The following RUNX1T1 variants were observed in gnomAD, a reference collection of about 807,000 sequenced individuals.
The protein encoded by RUNX1T1 is protein CBFA2T1.
A neutral mutation model predicts 62.8 loss-of-function variants in RUNX1T1; 4 were observed. That is an observed-to-expected ratio of 0.06 (90% CI 0.03 to 0.15). The LOEUF (loss-of-function observed/expected upper bound fraction) is 0.15, where lower values mean the gene tolerates loss of function less well. Ranked by LOEUF, RUNX1T1 falls within the 10% of genes least tolerant of loss-of-function variation. The pLI, the probability that RUNX1T1 is intolerant of heterozygous loss-of-function variation, is 1.00. For synonymous variants in RUNX1T1, 291 were observed against 286.0 expected, an observed-to-expected ratio of 1.02 and a Z score of -0.18; for missense variants, 508 against 754.3, an observed-to-expected ratio of 0.67 and a Z score of 3.82.
upstream of RUNX1T1, chr8:92,103,353 C>T (rs921495648): frequency 7.7e-5 from 14 of 181,510 alleles, no homozygotes; most frequent in Admixed American, 5.6e-4. Context: ...GGAGCAGGAG[C>T]GCCGCGCGCT....
chr8:91,991,529 G>C (rs1052141685), intron 6 of RUNX1T1, 110 bp downstream of exon 7: 1 of 1,185,742 alleles, frequency 8.4e-7, no homozygotes, highest in Non-Finnish European at 1.2e-6. Flanking sequence ...CAAGATATGA[G>C]AATCTTCATC....
upstream of RUNX1T1, among the ~76,000 whole-genome samples, chr8:92,065,821 C>G (rs116559249): frequency 2.3e-3 from 354 of 152,302 alleles, 1 homozygote; most frequent in African/African-American, 7.3e-3. Context: ...ACTTTCCTCT[C>G]GGCTTCTAGC....
chr8:92,076,712 T>G (rs1834482065), intron 1 of RUNX1T1, among the ~76,000 whole-genome samples: 2 of 152,126 alleles, frequency 1.3e-5, no homozygotes, highest in Non-Finnish European at 2.9e-5. Context: ...AAACAAATAT[T>G]GTTGAATTAT....
intron 5 of RUNX1T1, among the ~76,000 whole-genome samples, chr8:91,999,488 C>T (rs1819351023): frequency 6.6e-6 from 1 of 152,090 alleles, no homozygotes; most frequent in Admixed American, 6.5e-5. Flanking sequence ...ATAAGTTAAT[C>T]AAAGCATTTT....
At chr8:91,963,982 C>G (rs1244813061) in intron 10 of RUNX1T1, among the ~76,000 whole-genome samples, 1 of 152,068 alleles carries the variant, frequency 6.6e-6, no homozygotes, top group Non-Finnish European at 1.5e-5. Context: ...TAATGTTATT[C>G]CCTTTTTGGC....
intron 1 of RUNX1T1, among the ~76,000 whole-genome samples, chr8:92,076,473 AT>A (rs1451097027): frequency 6.6e-6 from 1 of 152,140 alleles, no homozygotes; most frequent in African/African-American, 2.4e-5. Context: ...TTTCAAAAAA[AT>A]AAATAATCTG....
At chr8:92,095,539 T>C in intron 1 of RUNX1T1, 1 of 1,479,678 alleles carries the variant, frequency 6.8e-7, no homozygotes, top group Non-Finnish European at 8.9e-7. Flanking sequence ...GATTACAATA[T>C]CAGCAGGGCC....
At chr8:91,987,005 A>C (rs577085364) in intron 6 of RUNX1T1, 33 bp from the exon 8 acceptor site, 1 of 1,374,366 alleles carries the variant, frequency 7.3e-7, no homozygotes, top group African/African-American at 1.4e-5. Flanking sequence ...ATAACCCTAA[A>C]GCATTCAGTA....
chr8:91,983,302 A>T (rs986490705), intron 8 of RUNX1T1, among the ~76,000 whole-genome samples: 3 of 152,118 alleles, frequency 2.0e-5, no homozygotes, highest in Non-Finnish European at 4.4e-5. Flanking sequence ...ATACTCACTC[A>T]ATACTACAGA....
At chr8:92,102,839 C>T (rs1207182853), upstream of RUNX1T1, 1 of 1,513,110 alleles carries the variant, frequency 6.6e-7, no homozygotes, top group Admixed American at 2.1e-5. This position sits in a 1 kb window ranked among gnomAD's most constrained non-coding sequence, Gnocchi z 4.5. Flanking sequence ...CCGGCCAAGC[C>T]CTACCGCGGA....
chr8:92,028,204 T>C, intron 1 of RUNX1T1, among the ~76,000 whole-genome samples: 1 of 151,846 alleles, frequency 6.6e-6, no homozygotes, highest in Admixed American at 6.6e-5. Flanking sequence ...TTCTTTTTTT[T>C]TTTTTTTCAA....
chr8:92,015,674 A>AT (rs1822850967), intron 2 of RUNX1T1, among the ~76,000 whole-genome samples: 2 of 152,240 alleles, frequency 1.3e-5, no homozygotes, highest in Non-Finnish European at 1.5e-5. Flanking sequence ...GAAAATGTTG[A>AT]TTTTATCATG....
chr8:92,096,447 G>A (rs879344283), intron 1 of RUNX1T1, among the ~76,000 whole-genome samples: 1 of 152,206 alleles, frequency 6.6e-6, no homozygotes, highest in Admixed American at 6.5e-5. Flanking sequence ...GCAGGGTCAG[G>A]AAGGAGACAC....
upstream of RUNX1T1, chr8:92,063,046 A>G (rs776606214): frequency 5.2e-6 from 4 of 766,290 alleles, no homozygotes; most frequent in Non-Finnish European, 6.6e-6. Context: ...CACCCCTCAC[A>G]ATAAAAGGCT....
chr8:91,956,985 T>A (rs1451156496), downstream of RUNX1T1: 123 of 189,500 alleles, frequency 6.5e-4, no homozygotes, highest in South Asian at 2.9e-3. Context: ...AAAAAAAAAA[T>A]TTAAGAAAAA....
At chr8:92,088,508 A>G (rs1033822747) in intron 1 of RUNX1T1, among the ~76,000 whole-genome samples, 1 of 152,084 alleles carries the variant, frequency 6.6e-6, no homozygotes, top group African/African-American at 2.4e-5. Flanking sequence ...TCCACTTGTC[A>G]ATGTGCATTT....
intron 1 of RUNX1T1, among the ~76,000 whole-genome samples, chr8:92,023,945 T>G (rs1242822151): frequency 6.6e-6 from 1 of 152,104 alleles, no homozygotes; most frequent in Non-Finnish European, 1.5e-5. Flanking sequence ...CACCATCTAC[T>G]ACCCTCCACA....
intron 2 of RUNX1T1, among the ~76,000 whole-genome samples, chr8:92,074,530 C>A (rs975946153): frequency 6.6e-6 from 1 of 152,094 alleles, no homozygotes; most frequent in Non-Finnish European, 1.5e-5. Context: ...CACATTAAGC[C>A]CAAGCTTAAT....
At chr8:91,961,616 C>G (rs1241069255) in intron 10 of RUNX1T1, among the ~76,000 whole-genome samples, 1 of 152,188 alleles carries the variant, frequency 6.6e-6, no homozygotes, top group African/African-American at 2.4e-5. Flanking sequence ...AGGCCCTAAG[C>G]AGGCAAGGAG....
Sources: gnomAD v4.1 joint callset for allele counts (sites outside exome capture counted in the v4.1 genomes callset) on GRCh38, gnomAD v4.1.1 for gene constraint, Gnocchi (gnomAD v3.1) non-coding constraint, MANE v1.5 for transcripts, NCBI Gene and HGNC (gene_info 2026-07-23, HGNC 2026-07-21) for gene names.